EHBP1: variants seen among roughly 807,000 people sequenced by gnomAD.
EHBP1 encodes the protein EH domain binding protein 1.
Under a neutral mutation model 144.0 loss-of-function variants are expected in EHBP1, and 55 were observed. The ratio of observed to expected loss-of-function variants is 0.38; its 90% CI spans 0.31 to 0.48. EHBP1 has a LOEUF of 0.48. EHBP1 is among the 20% of genes least tolerant of loss of function. The pLI is 0.98. For synonymous variants in EHBP1, 469 were observed against 472.7 expected (o/e 0.99, Z 0.10); for missense variants, 1,200 against 1,364.2 (o/e 0.88, Z 1.90).
intron 18 of EHBP1, 61 bp downstream of exon 18, chr2:62,994,038 A>G: frequency 8.5e-7 from 1 of 1,170,804 alleles, no homozygotes; most frequent in Non-Finnish European, 1.2e-6. Context: ...ATGTGGAAAT[A>G]GTGCCTTTAT....
At chr2:62,832,538 C>T (rs977071111) in intron 7 of EHBP1, among the ~76,000 whole-genome samples, 2 of 150,238 alleles carry the variant, frequency 1.3e-5, no homozygotes, top group African/African-American at 2.5e-5. Flanking sequence ...TTACCAACAG[C>T]GTGTGCTCAC....
At chr2:62,738,668 T>C (rs1340898844) in intron 2 of EHBP1, among the ~76,000 whole-genome samples, 1 of 152,230 alleles carries the variant, frequency 6.6e-6, no homozygotes, top group Non-Finnish European at 1.5e-5. Context: ...CTAAATTTCC[T>C]GTATTTCTCT....
At chr2:62,920,815 A>G (rs2055017713) in intron 10 of EHBP1, among the ~76,000 whole-genome samples, 1 of 151,790 alleles carries the variant, frequency 6.6e-6, no homozygotes, top group Non-Finnish European at 1.5e-5. Flanking sequence ...GGCATATACC[A>G]CCATGCCTGG....
intron 7 of EHBP1, among the ~76,000 whole-genome samples, chr2:62,850,900 GT>G (rs2048650751): frequency 6.6e-6 from 1 of 152,026 alleles, no homozygotes; most frequent in African/African-American, 2.4e-5. Flanking sequence ...ATATTTTAGG[GT>G]TTTGACCCAC....
intron 19 of EHBP1, among the ~76,000 whole-genome samples, chr2:63,006,256 A>T (rs1178761428): frequency 1.3e-5 from 2 of 151,766 alleles, no homozygotes; most frequent in East Asian, 1.9e-4. Context: ...TTTTTTTTTT[A>T]AATCCCATCA....
chr2:62,715,769 T>C (rs2035611606), intron 2 of EHBP1, among the ~76,000 whole-genome samples: 1 of 152,172 alleles, frequency 6.6e-6, no homozygotes, highest in Non-Finnish European at 1.5e-5. Flanking sequence ...CTGAAGAAAG[T>C]CAGGGTCCCA....
intron 19 of EHBP1, among the ~76,000 whole-genome samples, chr2:63,014,229 A>G (rs1249551838): frequency 1.3e-5 from 2 of 152,220 alleles, no homozygotes; most frequent in Admixed American, 6.5e-5. Flanking sequence ...AAAGCCTTTT[A>G]ATGCAACACC....
chr2:62,989,553 C>G (rs1357526599), intron 15 of EHBP1, among the ~76,000 whole-genome samples: 1 of 152,110 alleles, frequency 6.6e-6, no homozygotes, highest in Non-Finnish European at 1.5e-5. Flanking sequence ...TTTAAAAACT[C>G]TCCTCCTACT....
intron 5 of EHBP1, among the ~76,000 whole-genome samples, chr2:62,809,817 C>G (rs555265962): frequency 3.3e-5 from 5 of 152,260 alleles, no homozygotes; most frequent in African/African-American, 1.2e-4. Flanking sequence ...CATGATTTGT[C>G]TACACCTAGC....
intron 19 of EHBP1, among the ~76,000 whole-genome samples, chr2:63,013,755 C>T (rs1055383263): frequency 2.0e-5 from 3 of 152,188 alleles, no homozygotes; most frequent in Non-Finnish European, 4.4e-5. Flanking sequence ...GGACCTGGTG[C>T]TTTTCAGTGG....
chr2:62,770,562 A>G (rs898858929), intron 4 of EHBP1, among the ~76,000 whole-genome samples: 2 of 152,212 alleles, frequency 1.3e-5, no homozygotes, highest in African/African-American at 4.8e-5. Context: ...GGTGGTAGGA[A>G]TGTAAATTAG....
At chr2:62,792,727 TA>T (rs2043245455) in intron 5 of EHBP1, among the ~76,000 whole-genome samples, 1 of 152,054 alleles carries the variant, frequency 6.6e-6, no homozygotes, top group Non-Finnish European at 1.5e-5. Flanking sequence ...TATGTGTTTA[TA>T]AATACCCCAA....
At chr2:62,705,661 G>C (rs1020718570), upstream of EHBP1, 2 of 152,492 alleles carry the variant, frequency 1.3e-5, no homozygotes, top group Non-Finnish European at 2.9e-5. Context: ...CACGCGCGGG[G>C]CCTGGCCAAT....
intron 2 of EHBP1, among the ~76,000 whole-genome samples, chr2:62,739,948 A>G (rs1243120178): frequency 2.0e-5 from 3 of 151,766 alleles, no homozygotes; most frequent in African/African-American, 7.2e-5. Flanking sequence ...AAAAAAAAAA[A>G]AAAAAGAAAA....
At chr2:62,930,485 A>T (rs1222731851) in intron 10 of EHBP1, among the ~76,000 whole-genome samples, 1 of 152,240 alleles carries the variant, frequency 6.6e-6, no homozygotes, top group Admixed American at 6.5e-5. Flanking sequence ...TGCAATTCTT[A>T]TAAAGATCCC....
chr2:62,756,637 C>G (rs1345424749), intron 3 of EHBP1, among the ~76,000 whole-genome samples: 1 of 151,988 alleles, frequency 6.6e-6, no homozygotes, highest in Non-Finnish European at 1.5e-5. Context: ...GAAGTGGTGG[C>G]ACATGCTTGT....
At chr2:62,779,548 A>C (rs569835321) in intron 5 of EHBP1, among the ~76,000 whole-genome samples, 1 of 152,214 alleles carries the variant, frequency 6.6e-6, no homozygotes, top group African/African-American at 2.4e-5. Context: ...TCTACACAGC[A>C]CTAACCAGAA....
chr2:62,866,641 A>G (rs1164927118), intron 9 of EHBP1, among the ~76,000 whole-genome samples: 2 of 152,176 alleles, frequency 1.3e-5, no homozygotes, highest in Non-Finnish European at 2.9e-5. Flanking sequence ...TAAATACTGC[A>G]AAAGGAAATA....
chr2:62,967,611 G>A (rs1023430517), intron 14 of EHBP1, among the ~76,000 whole-genome samples: 1 of 152,052 alleles, frequency 6.6e-6, no homozygotes, highest in African/African-American at 2.4e-5. Flanking sequence ...GTATCTTACG[G>A]GATTTTTCCA....
Sources: gnomAD v4.1 joint callset for allele counts (sites outside exome capture counted in the v4.1 genomes callset) on GRCh38, gnomAD v4.1.1 for gene constraint, MANE v1.5 for transcripts, NCBI Gene and HGNC (gene_info 2026-07-23, HGNC 2026-07-21) for gene names.